Variants in PINX1 observed in about 807,000 individuals in gnomAD.
The protein encoded by PINX1 is PIN2 (TERF1) interacting telomerase inhibitor 1.
Under a neutral mutation model 25.4 loss-of-function variants are expected in PINX1, and 34 were observed. The ratio of observed to expected loss-of-function variants is 1.34; its 90% confidence interval spans 1.02 to 1.78. The LOEUF is 1.78. Ranked by LOEUF, PINX1 falls within the 40% of genes most tolerant of loss-of-function variation. The pLI is 0.00. For synonymous variants in PINX1, 197 were observed against 147.7 expected (o/e 1.33, Z -2.42); for missense variants, 592 against 404.9 (o/e 1.46, Z -3.97).
At chr8:10,807,538 G>A (rs1157923885) in intron 6 of PINX1, among the ~76,000 whole-genome samples, 5 of 151,890 alleles carry the variant, frequency 3.3e-5, no homozygotes, top group African/African-American at 9.7e-5. Flanking sequence ...GAATAAAAAC[G>A]CCCAACCAAC....
chr8:10,807,130 A>G (rs956460853), intron 6 of PINX1, among the ~76,000 whole-genome samples: 1 of 152,158 alleles, frequency 6.6e-6, no homozygotes, highest in Non-Finnish European at 1.5e-5. Context: ...CAGGAAAACA[A>G]TCTGCGAATG....
At chr8:10,803,633 C>G (rs1802340782) in intron 6 of PINX1, among the ~76,000 whole-genome samples, 1 of 152,160 alleles carries the variant, frequency 6.6e-6, no homozygotes, top group Admixed American at 6.5e-5. Flanking sequence ...AAAAATACTT[C>G]TAGAGATTTG....
At chr8:10,772,073 G>C (rs1801243706) in intron 6 of PINX1, among the ~76,000 whole-genome samples, 1 of 152,264 alleles carries the variant, frequency 6.6e-6, no homozygotes, top group Non-Finnish European at 1.5e-5. Flanking sequence ...CGTTCTTTTT[G>C]TGGGATTAGT....
At position 10,826,251 on chromosome 8, in the gene PINX1, A is replaced by T. The variant is rs540255119; in HGVS notation, c.302-7T>A. 1.6e-5 allele frequency: 23 copies of T among 1,444,244 alleles called. No individual in the cohort carries two copies. The South Asian group carries it at 2.3e-4, about 14-fold the overall frequency. The allele number at this position is 1,444,244 out of a possible 1,614,324, so 89.5% of individuals were successfully genotyped here. A position where few individuals can be genotyped will look rare whatever the true frequency, so the allele number is the denominator to read the frequency against. On this transcript the variant is annotated splice_region_variant and splice_polypyrimidine_tract_variant and intron_variant, in intron 4 of 6. Coordinates refer to ENST00000314787, the MANE Select transcript of PINX1 (RefSeq NM_017884.6). Reference sequence around the variant, plus strand: ...TCCTTCTTGTCCGAGGAATCTTTAAAAAAGATGAAAAAAATACATTAAAGT... The same window carrying T: ...TCCTTCTTGTCCGAGGAATCTTTAATAAAGATGAAAAAAATACATTAAAGT...
intron 6 of PINX1, among the ~76,000 whole-genome samples, chr8:10,773,056 G>T (rs539945273): frequency 6.6e-6 from 1 of 151,742 alleles, no homozygotes; most frequent in Non-Finnish European, 1.5e-5. Flanking sequence ...TAAAAATCTT[G>T]TAAAAATTTG....
intron 2 of PINX1, among the ~76,000 whole-genome samples, chr8:10,834,073 G>C (rs1234245491): frequency 6.6e-6 from 1 of 152,148 alleles, no homozygotes; most frequent in African/African-American, 2.4e-5. Context: ...GGGAATGAAT[G>C]AGATCACTGC....
intron 6 of PINX1, among the ~76,000 whole-genome samples, chr8:10,784,242 C>G (rs1192183754): frequency 6.6e-6 from 1 of 152,202 alleles, no homozygotes; most frequent in Non-Finnish European, 1.5e-5. Flanking sequence ...ACTGATTTAA[C>G]TAAATGAATA....
chr8:10,814,220 C>A (rs1797624607), intron 6 of PINX1, among the ~76,000 whole-genome samples: 1 of 152,158 alleles, frequency 6.6e-6, no homozygotes, highest in Admixed American at 6.5e-5. Context: ...AAAGGAAGAA[C>A]TTGGAAATTA....
At chr8:10,802,560 C>A (rs1802302266) in intron 6 of PINX1, among the ~76,000 whole-genome samples, 1 of 152,204 alleles carries the variant, frequency 6.6e-6, no homozygotes, top group African/African-American at 2.4e-5. Flanking sequence ...TCAACAAAAA[C>A]CTATTGGTTA....
chr8:10,790,383 GA>G (rs1233527572), intron 6 of PINX1, among the ~76,000 whole-genome samples: 1 of 152,184 alleles, frequency 6.6e-6, no homozygotes, highest in Non-Finnish European at 1.5e-5. Context: ...AGATGTGGAG[GA>G]AAAGTTAACA....
chr8:10,782,531 T>G (rs1821001), intron 6 of PINX1, among the ~76,000 whole-genome samples: 1 of 150,632 alleles, frequency 6.6e-6, no homozygotes, highest in Admixed American at 6.6e-5. Flanking sequence ...AGGTCGGGAG[T>G]TCAAGACCAA....
chr8:10,775,410 G>GGTTTTTTTTTGTTT lies in PINX1; in HGVS notation c.472-9495_472-9494insAAACAAAAAAAAAC, dbSNP rs1563203196. On this transcript the variant is annotated intron_variant, in intron 6 of 6. Transcript: ENST00000314787. ...AAGGATTAGTTCTGTCTGTTTTGTG[G>GGTTTTTTTTTGTTT]TTTTTTTTTTTTTTTTTTTTTTTTT... Among the ~76,000 whole-genome samples the GGTTTTTTTTTGTTT allele has an allele frequency of 2.7e-5, 3 of 109,594 alleles. 1 individual carries two copies. The highest frequency in any genetic ancestry group is 1.9e-5 in the Non-Finnish European group (1 of 53,392). 71.9% of individuals were successfully genotyped at this position (109,594 alleles called of 152,430 possible).
chr8:10,825,494 T>C lies in PINX1; in HGVS notation c.394+658A>G, dbSNP rs889593320. 7.5e-6 allele frequency: 4 copies of C among 532,512 alleles called. No individual in the cohort carries two copies. In the African/African-American group the frequency reaches 7.7e-5, roughly 10 times the overall value. The allele number at this position is 532,512 out of a possible 1,614,324, so 33.0% of individuals were successfully genotyped here. A position where few individuals can be genotyped will look rare whatever the true frequency, so the allele number is the denominator to read the frequency against. Reference sequence around the variant, plus strand: ...GTTCTATTAGGTTAAATTGCTTCTTTCCAATGCAAGATCGCCACCTAGTGG... The same window carrying C: ...GTTCTATTAGGTTAAATTGCTTCTTCCCAATGCAAGATCGCCACCTAGTGG... On this transcript the variant is annotated intron_variant, in intron 5 of 6. Coordinates refer to ENST00000314787, the MANE Select transcript of PINX1 (RefSeq NM_017884.6).
At chr8:10,790,038 A>C (rs997251711) in intron 6 of PINX1, among the ~76,000 whole-genome samples, 3 of 152,200 alleles carry the variant, frequency 2.0e-5, no homozygotes, top group Non-Finnish European at 4.4e-5. Flanking sequence ...TGTCACAGCC[A>C]AGCGGCAGGT....
intron 6 of PINX1, among the ~76,000 whole-genome samples, chr8:10,781,077 G>T (rs1391240279): frequency 6.6e-6 from 1 of 152,100 alleles, no homozygotes; most frequent in Non-Finnish European, 1.5e-5. Context: ...TTTTTGACAA[G>T]AGCATGAAGA....
At chr8:10,817,790 G>A (rs960672082) in intron 6 of PINX1, among the ~76,000 whole-genome samples, 1 of 152,168 alleles carries the variant, frequency 6.6e-6, no homozygotes, top group Non-Finnish European at 1.5e-5. Context: ...GGCAGGACTT[G>A]AGGAGCTCTG....
At chr8:10,790,040 G>A (rs1438684323) in intron 6 of PINX1, among the ~76,000 whole-genome samples, 2 of 152,182 alleles carry the variant, frequency 1.3e-5, no homozygotes, top group African/African-American at 4.8e-5. Context: ...TCACAGCCAA[G>A]CGGCAGGTCC....
intron 6 of PINX1, among the ~76,000 whole-genome samples, chr8:10,801,052 A>G (rs1298303348): frequency 1.3e-5 from 2 of 152,208 alleles, no homozygotes; most frequent in African/African-American, 4.8e-5. Context: ...TAGAAGCTCT[A>G]TATTTTATCA....
intron 6 of PINX1, among the ~76,000 whole-genome samples, chr8:10,777,175 G>A (rs1801421300): frequency 6.6e-6 from 1 of 152,184 alleles, no homozygotes; most frequent in Admixed American, 6.5e-5. Context: ...GGCAGGCCCT[G>A]CCCTCACCCT....
Sources: allele counts gnomAD v4.1 joint callset (sites outside exome capture counted in the v4.1 genomes callset), GRCh38; gene constraint gnomAD v4.1.1; transcripts MANE v1.5; gene names NCBI Gene and HGNC (gene_info 2026-07-23, HGNC 2026-07-21).